PCDH15: variants seen among roughly 807,000 people sequenced by gnomAD.
The protein encoded by PCDH15 is protocadherin related 15.
Under a neutral mutation model 178.5 loss-of-function variants are expected in PCDH15, and 129 were observed. That is an observed-to-expected ratio of 0.72 (90% CI 0.63 to 0.84). PCDH15 has a LOEUF of 0.84. Among genes scored for constraint, PCDH15 ranks in the 40% least tolerant of loss-of-function variants. The probability of loss-of-function intolerance (pLI) is 0.00; values close to 1 mark genes in which losing one functional copy is unlikely to be tolerated. For synonymous variants in PCDH15, 800 were observed against 732.0 expected (o/e 1.09, Z -1.50); for missense variants, 2,230 against 2,099.9 (o/e 1.06, Z -1.21).
chr10:54,025,744 G>A (rs186488837), intron 18 of PCDH15, among the ~76,000 whole-genome samples: 15 of 152,070 alleles, frequency 9.9e-5, no homozygotes, highest in East Asian at 5.8e-4. Flanking sequence ...TGATCCACCC[G>A]CCTCGGCCTC....
rs375153461 is a variant in PCDH15, at chr10:55,284,612, G to T, written c.-156+34987C>A. ...TGTTACATACCAATAATTGATTTCAGTCAGTCACTCAATCTGTATTTACCA... is the reference window on the plus strand; with the variant it reads ...TGTTACATACCAATAATTGATTTCATTCAGTCACTCAATCTGTATTTACCA... On this transcript the variant is annotated intron_variant, in intron 1 of 5. Coordinates refer to the PCDH15 transcript ENST00000458638. Among the ~76,000 whole-genome samples the T allele has an allele frequency of 3.9e-5, 6 of 151,984 alleles. No individual in the cohort carries two copies. The South Asian group carries it at 1.2e-3, about 32-fold the overall frequency.
At chr10:54,859,283 T>C (rs1953797548) in intron 3 of PCDH15, among the ~76,000 whole-genome samples, 1 of 152,206 alleles carries the variant, frequency 6.6e-6, no homozygotes. Context: ...CTAGTAATAG[T>C]TCATTTCCAT....
At chr10:55,200,864 C>A (rs1591985290) in intron 1 of PCDH15, among the ~76,000 whole-genome samples, 1 of 152,066 alleles carries the variant, frequency 6.6e-6, no homozygotes, top group East Asian at 1.9e-4. Context: ...CCTTCCCCTT[C>A]TGCCATGATT....
chr10:55,355,638 T>C (rs879418265), intron 2 of PCDH15, among the ~76,000 whole-genome samples: 4 of 152,010 alleles, frequency 2.6e-5, no homozygotes, highest in Non-Finnish European at 5.9e-5. Context: ...TTAATATTTT[T>C]GTATACAATT....
chr10:54,228,028 A>G (rs371403382), intron 9 of PCDH15, among the ~76,000 whole-genome samples: 8 of 152,172 alleles, frequency 5.3e-5, no homozygotes, highest in African/African-American at 1.9e-4. Context: ...GCATCTTCCT[A>G]TCTTCTACAG....
intron 2 of PCDH15, among the ~76,000 whole-genome samples, chr10:54,957,567 C>T (rs1591805610): frequency 6.6e-6 from 1 of 151,508 alleles, no homozygotes; most frequent in East Asian, 1.9e-4. Context: ...TTGCAATACA[C>T]ATTTCTCAAG....
At chr10:54,924,435 T>C (rs149238781) in intron 2 of PCDH15, among the ~76,000 whole-genome samples, 1 of 137,848 alleles carries the variant, frequency 7.3e-6, no homozygotes, top group African/African-American at 2.5e-5. Context: ...GACTGGACAA[T>C]TCATATGCAT....
intron 2 of PCDH15, among the ~76,000 whole-genome samples, chr10:55,055,673 A>G (rs1841279937): frequency 6.6e-6 from 1 of 151,814 alleles, no homozygotes; most frequent in Non-Finnish European, 1.5e-5. Context: ...TGCAGTGGCG[A>G]GTGCCTGTAG....
chr10:55,536,356 T>C (rs914037702), intron 2 of PCDH15, among the ~76,000 whole-genome samples: 2 of 152,128 alleles, frequency 1.3e-5, no homozygotes, highest in Non-Finnish European at 2.9e-5. Flanking sequence ...CCAGATCCTA[T>C]TGAACAGTTC....
intron 18 of PCDH15, among the ~76,000 whole-genome samples, chr10:54,062,248 A>AAAAAAAAAAAAAAAAAAAAG (rs2094039380): frequency 8.3e-6 from 1 of 119,928 alleles, no homozygotes; most frequent in Non-Finnish European, 1.6e-5. Context: ...AAAAAAAAAA[A>AAAAAAAAAAAAAAAAAAAAG]AAAACAAAAA....
At chr10:55,241,570 C>T (rs992056583) in intron 1 of PCDH15, among the ~76,000 whole-genome samples, 1 of 152,048 alleles carries the variant, frequency 6.6e-6, no homozygotes, top group Non-Finnish European at 1.5e-5. Flanking sequence ...CAGGTGTACA[C>T]CACCGTGCCT....
chr10:54,412,874 A>C (rs1441184437), intron 3 of PCDH15, among the ~76,000 whole-genome samples: 1 of 152,148 alleles, frequency 6.6e-6, no homozygotes, highest in African/African-American at 2.4e-5. Context: ...GGCATGAGCC[A>C]CCACGCCTGG....
At chr10:54,852,852 CAAAAA>C (rs1458379540) in intron 3 of PCDH15, among the ~76,000 whole-genome samples, 1 of 92,656 alleles carries the variant, frequency 1.1e-5, no homozygotes, top group African/African-American at 5.0e-5. Flanking sequence ...GACTCTGTCT[CAAAAA>C]AATAAAATAA....
intron 20 of PCDH15, among the ~76,000 whole-genome samples, chr10:54,015,339 A>C (rs1394607450): frequency 6.6e-6 from 1 of 152,090 alleles, no homozygotes; most frequent in African/African-American, 2.4e-5. Context: ...CCCAAAACAA[A>C]GTACAGATTC....
chr10:55,180,486 T>C (rs1433583032), intron 1 of PCDH15, among the ~76,000 whole-genome samples: 1 of 152,156 alleles, frequency 6.6e-6, no homozygotes, highest in Admixed American at 6.6e-5. Context: ...ATTGTATTAA[T>C]TCACTCATCT....
intron 14 of PCDH15, among the ~76,000 whole-genome samples, chr10:54,152,748 G>T (rs1284740610): frequency 2.0e-5 from 3 of 151,616 alleles, no homozygotes; most frequent in African/African-American, 4.8e-5. Context: ...TTAAATACAT[G>T]TATTATTTTA....
At chr10:55,427,074 T>C (rs1838775774) in intron 2 of PCDH15, among the ~76,000 whole-genome samples, 1 of 152,040 alleles carries the variant, frequency 6.6e-6, no homozygotes, top group Admixed American at 6.6e-5. Context: ...CAGCTTCATA[T>C]TTTTCGGATT....
intron 28 of PCDH15, among the ~76,000 whole-genome samples, chr10:53,848,242 A>C (rs2078109493): frequency 6.6e-6 from 1 of 151,714 alleles, no homozygotes; most frequent in South Asian, 2.1e-4. Context: ...CAAAACTTCT[A>C]GGTTATAAAA....
At chr10:55,300,843 C>T (rs535308483) in intron 1 of PCDH15, among the ~76,000 whole-genome samples, 3 of 151,922 alleles carry the variant, frequency 2.0e-5, no homozygotes, top group East Asian at 1.9e-4. Flanking sequence ...CAGTTTGGAC[C>T]GAAGACAACA....
Sources: allele counts gnomAD v4.1 joint callset (sites outside exome capture counted in the v4.1 genomes callset), GRCh38; gene constraint gnomAD v4.1.1; transcripts MANE v1.5; gene names NCBI Gene and HGNC (gene_info 2026-07-23, HGNC 2026-07-21).